PARD3B: variants seen among roughly 807,000 people sequenced by gnomAD.
The protein encoded by PARD3B is partitioning defective 3 homolog B.
Under a neutral mutation model 130.2 loss-of-function variants are expected in PARD3B, and 103 were observed. The ratio of observed to expected loss-of-function variants is 0.79; its 90% CI spans 0.67 to 0.93. The LOEUF (loss-of-function observed/expected upper bound fraction) is 0.93. PARD3B is among the 40% of genes least tolerant of loss of function. PARD3B has a pLI of 0.00. For missense variants in PARD3B, 1,609 were observed against 1,499.2 expected, an observed-to-expected ratio of 1.07 and a Z score of -1.21; for synonymous variants, 583 against 553.2, an observed-to-expected ratio of 1.05 and a Z score of -0.76.
rs1463446567 is a variant in PARD3B, at chr2:205,325,443, G to A, written c.2630+23742G>A. Among the ~76,000 whole-genome samples the A allele has an allele frequency of 1.3e-5, 2 of 152,024 alleles. No individual in the cohort carries two copies. The highest frequency in any genetic ancestry group is 2.9e-5 in the Non-Finnish European group (2 of 67,992). The stretch of plus-strand genomic sequence containing the variant: ...TGATGCTTAAATGCTGGGTTCAAGG[G>A]TTCTTTGGAAGCCTTGCTGACAACA... On this transcript the variant is annotated intron_variant, in intron 18 of 22. Transcript: ENST00000406610. This position sits in a 1 kb window ranked among gnomAD's most constrained non-coding sequence, Gnocchi z 4.1.
At chr2:205,132,051 A>G (rs779465159) in intron 10 of PARD3B, among the ~76,000 whole-genome samples, 1 of 152,162 alleles carries the variant, frequency 6.6e-6, no homozygotes, top group Non-Finnish European at 1.5e-5. Context: ...CCAAGAGACT[A>G]GTTGTTAGGA....
intron 19 of PARD3B, among the ~76,000 whole-genome samples, chr2:205,404,762 G>T (rs1364140536): frequency 3.9e-5 from 6 of 152,000 alleles, no homozygotes; most frequent in Non-Finnish European, 8.8e-5. Flanking sequence ...TGATCCTCCT[G>T]CCTCAGCCTC....
chr2:204,733,185 A>C (rs1006857699), intron 2 of PARD3B, among the ~76,000 whole-genome samples: 3 of 152,206 alleles, frequency 2.0e-5, no homozygotes, highest in Admixed American at 2.0e-4. Context: ...ACTGTAATAG[A>C]TTGCAATATA....
intron 21 of PARD3B, among the ~76,000 whole-genome samples, chr2:205,527,510 G>A (rs1343861777): frequency 1.3e-5 from 2 of 152,122 alleles, no homozygotes; most frequent in East Asian, 3.9e-4. Context: ...AGCATACTAA[G>A]TAGTCTTTTC....
chr2:205,361,018 A>C (rs1174125976), intron 18 of PARD3B, among the ~76,000 whole-genome samples: 1 of 151,912 alleles, frequency 6.6e-6, no homozygotes, highest in Non-Finnish European at 1.5e-5. Flanking sequence ...CCAACCCAGG[A>C]TCACATGCTC....
chr2:205,558,447 G>A lies in PARD3B; in HGVS notation c.3260+5044G>A, dbSNP rs1052170465. Among the ~76,000 whole-genome samples the A allele has an allele frequency of 3.3e-5, 5 of 152,144 alleles. No individual in the cohort carries two copies. The highest frequency in any genetic ancestry group is 7.3e-5 in the Non-Finnish European group (5 of 68,028). ...ACTTATACCTGAGCAGGACTCGTGT[G>A]GCAGGTCTACCCCATTAAATTGACT... On this transcript the variant is annotated intron_variant, in intron 22 of 22. Coordinates refer to ENST00000406610, the MANE Select transcript of PARD3B (RefSeq NM_001302769.2). This position sits in a 1 kb window ranked among gnomAD's most constrained non-coding sequence, Gnocchi z 4.8.
chr2:205,529,849 T>A (rs1309460381), intron 21 of PARD3B, among the ~76,000 whole-genome samples: 2 of 152,190 alleles, frequency 1.3e-5, no homozygotes, highest in Non-Finnish European at 2.9e-5. Flanking sequence ...GCATACAGTT[T>A]TGAGAAGTAT....
chr2:204,703,736 AC>A (rs1351174074), intron 2 of PARD3B, among the ~76,000 whole-genome samples: 4 of 152,060 alleles, frequency 2.6e-5, no homozygotes, highest in African/African-American at 9.7e-5. Context: ...TTACTAAATG[AC>A]CCTTGGATTC....
At chr2:205,597,584 T>C (rs1259416211) in intron 22 of PARD3B, among the ~76,000 whole-genome samples, 5 of 152,238 alleles carry the variant, frequency 3.3e-5, no homozygotes, top group Non-Finnish European at 7.3e-5. Context: ...CAGTCTTCTT[T>C]GAGAAATCTC....
chr2:204,577,172 G>A (rs1217401689), intron 1 of PARD3B, among the ~76,000 whole-genome samples: 2 of 152,228 alleles, frequency 1.3e-5, no homozygotes, highest in African/African-American at 2.4e-5. Context: ...ATATTGTGTG[G>A]CACTATTCAT....
At chr2:205,331,782 C>CAAAAAA (rs56654511) in intron 18 of PARD3B, among the ~76,000 whole-genome samples, 7,845 of 48,324 alleles carry the variant, frequency 0.16, 2,186 homozygotes, top group Middle Eastern at 0.23. Context: ...GACTCCGTCT[C>CAAAAAA]AAAAAAAAAA....
In PARD3B at chr2:205,128,650, T is replaced by C. The variant is rs2031693187; in HGVS notation, c.1434+2913T>C. Among the ~76,000 whole-genome samples the C allele has an allele frequency of 6.6e-6, 1 of 152,202 alleles. No homozygotes were observed. ...TTGTAGCATAGTTTCTGGCTAATTG[T>C]AAGTTCTCAAAATACGTTAGCTATA... is the stretch of plus-strand genomic sequence containing the variant. On this transcript the variant is annotated intron_variant, in intron 10 of 22. Coordinates refer to ENST00000406610, the MANE Select transcript of PARD3B (RefSeq NM_001302769.2). This position sits in a 1 kb window ranked among gnomAD's most constrained non-coding sequence, Gnocchi z 4.5.
At chr2:205,393,105 CA>C (rs1351530003) in intron 18 of PARD3B, among the ~76,000 whole-genome samples, 3 of 152,106 alleles carry the variant, frequency 2.0e-5, no homozygotes, top group African/African-American at 7.2e-5. Flanking sequence ...CTGCGGTTCA[CA>C]AAACCATATG....
chr2:205,003,110 TC>T (rs771924127), intron 3 of PARD3B, among the ~76,000 whole-genome samples: 49 of 152,194 alleles, frequency 3.2e-4, no homozygotes, highest in Admixed American at 1.6e-3. Context: ...TGGCTCCTGG[TC>T]CCCTTCCATC....
At chr2:205,025,127 C>T (rs935209574) in intron 3 of PARD3B, among the ~76,000 whole-genome samples, 1 of 152,136 alleles carries the variant, frequency 6.6e-6, no homozygotes, top group Non-Finnish European at 1.5e-5. Context: ...TTGAGCTTCC[C>T]CAGGCTGTGA....
At chr2:204,912,995 A>G (rs1049057238) in intron 2 of PARD3B, among the ~76,000 whole-genome samples, 2 of 152,244 alleles carry the variant, frequency 1.3e-5, no homozygotes, top group African/African-American at 4.8e-5. Context: ...ACTGATGGTA[A>G]TTTAGCCTAC....
intron 14 of PARD3B, among the ~76,000 whole-genome samples, chr2:205,190,493 A>T (rs1431842094): frequency 6.6e-6 from 1 of 152,222 alleles, no homozygotes; most frequent in African/African-American, 2.4e-5. Context: ...AAAGGTGAGC[A>T]AGTCTTCACT....
At chr2:204,846,741 G>A (rs959690195) in intron 2 of PARD3B, among the ~76,000 whole-genome samples, 1 of 150,380 alleles carries the variant, frequency 6.6e-6, no homozygotes. Flanking sequence ...TTTCTTCTTC[G>A]TACAGATGAC....
rs928020118 is a variant in PARD3B, at chr2:205,351,747, G to A, written c.2631-49266G>A. ...AAAGGTAGCTCTGTGAGTAAGGTGG[G>A]TTGCTAGCCTATCACCAGATTATTA... On this transcript the variant is annotated intron_variant, in intron 18 of 22. Transcript: ENST00000406610. The surrounding 1 kb of genome is among the most constrained non-coding windows in gnomAD (Gnocchi z 4.2). 6.6e-5 allele frequency among the ~76,000 whole-genome samples: 10 copies of A among 151,998 alleles called. No individual in the cohort carries two copies. Among genetic ancestry groups the A allele is most frequent in the African/African-American group, 2.4e-4 (10 of 41,374 alleles).
Sources: gnomAD v4.1 joint callset for allele counts (sites outside exome capture counted in the v4.1 genomes callset) on GRCh38, gnomAD v4.1.1 for gene constraint, Gnocchi (gnomAD v3.1) non-coding constraint, MANE v1.5 for transcripts, NCBI Gene and HGNC (gene_info 2026-07-23, HGNC 2026-07-21) for gene names.